Variants in EYS observed in about 807,000 individuals in gnomAD.
EYS encodes EGF-like photoreceptor maintenance factor, also known as protein eyes shut homolog.
In EYS, 250 loss-of-function variants were observed where a neutral mutation model predicts 282.1. The ratio of observed to expected loss-of-function variants is 0.89; its 90% CI spans 0.80 to 0.98. The LOEUF (loss-of-function observed/expected upper bound fraction) is 0.98, where lower values mean the gene tolerates loss of function less well. Among genes scored for constraint, EYS ranks in the 50% least tolerant of loss-of-function variants. The pLI, the probability that EYS is intolerant of heterozygous loss-of-function variation, is 0.00. For synonymous variants in EYS, 1,355 were observed against 1,282.9 expected (o/e 1.06, Z -1.20); for missense variants, 4,016 against 3,709.0 (o/e 1.08, Z -2.15).
At chr6:63,831,682 C>T (rs772062911) in intron 36 of EYS, among the ~76,000 whole-genome samples, 5 of 152,034 alleles carry the variant, frequency 3.3e-5, no homozygotes, top group Non-Finnish European at 7.4e-5. Context: ...ACAAGGATAT[C>T]CAGGTATTGA....
intron 2 of EYS, among the ~76,000 whole-genome samples, chr6:65,532,465 T>G (rs1176164226): frequency 2.0e-5 from 3 of 152,170 alleles, no homozygotes; most frequent in African/African-American, 7.2e-5. Flanking sequence ...GACTTAGCCT[T>G]TCTTCAAGAT....
At chr6:63,731,949 G>T (rs184416139) in intron 41 of EYS, among the ~76,000 whole-genome samples, 56 of 152,102 alleles carry the variant, frequency 3.7e-4, no homozygotes, top group Admixed American at 1.8e-3. Flanking sequence ...CTTTCCTTTG[G>T]CTGGATTTAA....
intron 1 of EYS, among the ~76,000 whole-genome samples, chr6:65,673,525 A>C (rs1582588311): frequency 6.6e-6 from 1 of 152,086 alleles, no homozygotes; most frequent in African/African-American, 2.4e-5. Flanking sequence ...GAGAGTGGCC[A>C]AGGGGGTTCA....
intron 29 of EYS, among the ~76,000 whole-genome samples, chr6:64,384,504 C>T (rs1349246623): frequency 6.6e-6 from 1 of 152,104 alleles, no homozygotes; most frequent in African/African-American, 2.4e-5. Flanking sequence ...ATATAAAAAA[C>T]AAATCTAATT....
rs528819037 is a variant in EYS at position 63,789,067 on chromosome 6, G to T, written c.7569C>A (p.Gly2523=). 4 of 1,551,464 alleles carry T rather than the reference G, an allele frequency of 2.6e-6. No homozygotes were observed. Among genetic ancestry groups the T allele is most frequent in the Non-Finnish European group, 2.6e-6 (3 of 1,146,844 alleles). ...TVHLGKFFQE[G]WLKVDDHKNK... ...AGGAATGACTCTTTACCTTCAGCCA[G>T]CCCTCTTGGAAGAACTTGCCCAGAT... Residue 2523 remains glycine, a synonymous_variant, in exon 38 of 43, where the codon GGC becomes GGA. Coordinates refer to ENST00000503581, the MANE Select transcript of EYS (RefSeq NM_001142800.2).
intron 2 of EYS, among the ~76,000 whole-genome samples, chr6:65,515,936 TATA>T (rs1320185395): frequency 6.6e-6 from 1 of 151,850 alleles, no homozygotes; most frequent in Non-Finnish European, 1.5e-5. Context: ...AAACTTAAAG[TATA>T]ATAATAATAA....
intron 22 of EYS, among the ~76,000 whole-genome samples, chr6:64,669,403 AAG>A (rs199730492): frequency 2.0e-5 from 3 of 151,434 alleles, no homozygotes; most frequent in Middle Eastern, 3.4e-3. Context: ...GGGAAAGATG[AAG>A]AGAGAGAGAG....
intron 33 of EYS, among the ~76,000 whole-genome samples, chr6:64,005,092 G>C (rs1768281070): frequency 6.6e-6 from 1 of 152,174 alleles, no homozygotes; most frequent in Non-Finnish European, 1.5e-5. Context: ...CAGTGTATAA[G>C]AGTTCCTGTT....
chr6:63,745,980 G>T (rs777824924), intron 41 of EYS, among the ~76,000 whole-genome samples: 2 of 152,172 alleles, frequency 1.3e-5, no homozygotes, highest in Non-Finnish European at 2.9e-5. Context: ...CAGGAAGAGA[G>T]CCCTTGCTGG....
At chr6:64,616,290 C>A (rs1352886364) in intron 24 of EYS, among the ~76,000 whole-genome samples, 1 of 152,132 alleles carries the variant, frequency 6.6e-6, no homozygotes, top group African/African-American at 2.4e-5. Context: ...TACCAACTAA[C>A]TTCCAATTTA....
chr6:63,725,049 T>C (rs1768558210), intron 42 of EYS, among the ~76,000 whole-genome samples: 2 of 152,170 alleles, frequency 1.3e-5, no homozygotes, highest in South Asian at 4.1e-4. Context: ...AATAAGTTTA[T>C]GCCTTTCATC....
At chr6:63,742,549 C>T (rs866115359) in intron 41 of EYS, among the ~76,000 whole-genome samples, 16 of 152,122 alleles carry the variant, frequency 1.1e-4, no homozygotes, top group African/African-American at 3.9e-4. Flanking sequence ...ATTTTGATTC[C>T]TTTCTCACTC....
intron 30 of EYS, among the ~76,000 whole-genome samples, chr6:64,255,400 A>G (rs1767359321): frequency 6.6e-6 from 1 of 152,062 alleles, no homozygotes; most frequent in Non-Finnish European, 1.5e-5. Flanking sequence ...TTCTCTTTGT[A>G]ATGGATTTTT....
At chr6:64,123,609 G>A (rs145993712) in intron 31 of EYS, among the ~76,000 whole-genome samples, 92 of 152,172 alleles carry the variant, frequency 6.0e-4, no homozygotes, top group African/African-American at 1.9e-3. Flanking sequence ...CTCTGTACTT[G>A]GTATGAGTTG....
intron 25 of EYS, 33 bp from the exon 26 acceptor site, chr6:64,592,022 A>G (rs1157983118): frequency 7.0e-7 from 1 of 1,424,304 alleles, no homozygotes; most frequent in Non-Finnish European, 9.2e-7. Context: ...AAAGGTTAGA[A>G]AAATGAATCA....
At chr6:65,015,605 T>C (rs1772019152) in intron 13 of EYS, among the ~76,000 whole-genome samples, 1 of 152,180 alleles carries the variant, frequency 6.6e-6, no homozygotes, top group Non-Finnish European at 1.5e-5. Flanking sequence ...AACTATATTC[T>C]CTTAAATTAA....
intron 22 of EYS, among the ~76,000 whole-genome samples, chr6:64,702,085 C>T (rs1310269482): frequency 6.6e-6 from 1 of 151,632 alleles, no homozygotes; most frequent in Non-Finnish European, 1.5e-5. Context: ...TTTGATTCAA[C>T]TTCACCTACA....
chr6:63,830,913 A>G (rs868400396), intron 36 of EYS, among the ~76,000 whole-genome samples: 28 of 152,234 alleles, frequency 1.8e-4, no homozygotes, highest in African/African-American at 6.5e-4. Context: ...GCCAGTATTC[A>G]ACATTCTTAA....
At chr6:64,785,477 C>T (rs1043843445) in intron 22 of EYS, among the ~76,000 whole-genome samples, 3 of 152,236 alleles carry the variant, frequency 2.0e-5, no homozygotes, top group Admixed American at 2.0e-4. Flanking sequence ...TTCAGAATTC[C>T]TACAGCTCTT....
Sources: gnomAD v4.1 joint callset for allele counts (sites outside exome capture counted in the v4.1 genomes callset) on GRCh38, gnomAD v4.1.1 for gene constraint, MANE v1.5 for transcripts, NCBI Gene and HGNC (gene_info 2026-07-23, HGNC 2026-07-21) for gene names.